PCDH15: variants seen among roughly 807,000 people sequenced by gnomAD.
PCDH15 encodes protocadherin-15.
Under a neutral mutation model 178.5 loss-of-function variants are expected in PCDH15, and 129 were observed. That is an observed-to-expected ratio of 0.72 (90% CI 0.63 to 0.84). The LOEUF (loss-of-function observed/expected upper bound fraction) is 0.84, where lower values mean the gene tolerates loss of function less well. Among genes scored for constraint, PCDH15 ranks in the 40% least tolerant of loss-of-function variants. The pLI is 0.00. For synonymous variants in PCDH15, 800 were observed against 732.0 expected, an observed-to-expected ratio of 1.09 and a Z score of -1.50; for missense variants, 2,230 against 2,099.9, an observed-to-expected ratio of 1.06 and a Z score of -1.21.
intron 3 of PCDH15, among the ~76,000 whole-genome samples, chr10:54,883,682 T>C (rs1386001204): frequency 2.0e-5 from 3 of 151,946 alleles, no homozygotes; most frequent in African/African-American, 7.2e-5. Flanking sequence ...CATTACACTA[T>C]AGAAATTCAT....
At chr10:54,622,252 A>ATG (rs529390169) in intron 2 of PCDH15, among the ~76,000 whole-genome samples, 68 of 151,038 alleles carry the variant, frequency 4.5e-4, no homozygotes, top group East Asian at 2.4e-3. Context: ...GAGGAAATTT[A>ATG]TGTGTGTGTG....
intron 13 of PCDH15, among the ~76,000 whole-genome samples, chr10:54,161,063 T>G (rs372643806): frequency 6.6e-6 from 1 of 152,158 alleles, no homozygotes; most frequent in Non-Finnish European, 1.5e-5. Context: ...TATATATATG[T>G]GTGTGTATAT....
intron 3 of PCDH15, chr10:54,897,362 T>A (rs987488175): frequency 6.6e-6 from 1 of 152,186 alleles, no homozygotes; most frequent in African/African-American, 2.4e-5. Flanking sequence ...CTACTTATGA[T>A]TCTCTTTTGA....
At chr10:54,482,395 G>T (rs527525604) in intron 3 of PCDH15, among the ~76,000 whole-genome samples, 49 of 151,902 alleles carry the variant, frequency 3.2e-4, no homozygotes, top group African/African-American at 1.1e-3. Context: ...AAGTGATAGA[G>T]ATTGATATCC....
chr10:54,904,827 C>A (rs1157635114), intron 2 of PCDH15, among the ~76,000 whole-genome samples: 2 of 151,542 alleles, frequency 1.3e-5, no homozygotes, highest in East Asian at 2.0e-4. Flanking sequence ...CCACAGCTCA[C>A]TCTCAGAAGG....
At chr10:54,779,512 G>GTGTATATATATATACACACATATATGTT (rs1555192893) in intron 1 of PCDH15, among the ~76,000 whole-genome samples, 2 of 138,914 alleles carry the variant, frequency 1.4e-5, no homozygotes, top group African/African-American at 2.7e-5. Context: ...ACATATATGT[G>GTGTATATATATATACACACATATATGTT]TGTATATATA....
At chr10:55,546,713 C>G (rs763836057) in intron 2 of PCDH15, among the ~76,000 whole-genome samples, 3 of 152,108 alleles carry the variant, frequency 2.0e-5, no homozygotes, top group Non-Finnish European at 4.4e-5. Context: ...TATCTGCTTA[C>G]TTGTTCAATT....
chr10:53,895,826 C>T (rs1462573309), intron 26 of PCDH15, among the ~76,000 whole-genome samples: 1 of 152,124 alleles, frequency 6.6e-6, no homozygotes, highest in African/African-American at 2.4e-5. Context: ...TTACTTGTCT[C>T]CTAATTTTTC....
intron 2 of PCDH15, among the ~76,000 whole-genome samples, chr10:55,604,274 A>G (rs1373888309): frequency 1.0e-5 from 1 of 100,232 alleles, no homozygotes; most frequent in Non-Finnish European, 2.0e-5. Context: ...AAAGAGACTT[A>G]GACTCCCACA....
chr10:53,877,427 G>A (rs1163123772), intron 26 of PCDH15, among the ~76,000 whole-genome samples: 1 of 152,006 alleles, frequency 6.6e-6, no homozygotes, highest in Non-Finnish European at 1.5e-5. Flanking sequence ...GTTTGGTTTT[G>A]AATCACAAAA....
At chr10:55,531,843 T>A (rs1247863900) in intron 2 of PCDH15, among the ~76,000 whole-genome samples, 1 of 152,068 alleles carries the variant, frequency 6.6e-6, no homozygotes, top group Non-Finnish European at 1.5e-5. Flanking sequence ...AGTGATAGCA[T>A]GTCATAAAGT....
chr10:54,246,024 T>C (rs1272071173), intron 8 of PCDH15, among the ~76,000 whole-genome samples: 2 of 151,930 alleles, frequency 1.3e-5, no homozygotes, highest in African/African-American at 4.8e-5. Flanking sequence ...TTTCACAAGG[T>C]CTGACAATAT....
intron 2 of PCDH15, among the ~76,000 whole-genome samples, chr10:54,958,765 T>A (rs993271546): frequency 6.7e-6 from 1 of 150,144 alleles, no homozygotes; most frequent in Non-Finnish European, 1.5e-5. Flanking sequence ...AAAAGGATAG[T>A]CAAAAAAAAA....
intron 1 of PCDH15, among the ~76,000 whole-genome samples, chr10:54,789,232 T>C (rs1021324224): frequency 4.6e-5 from 7 of 151,932 alleles, no homozygotes; most frequent in Non-Finnish European, 2.9e-5. Flanking sequence ...AGACATACTA[T>C]GTGTGAATGT....
At position 55,514,757 on chromosome 10, in the gene PCDH15, C is replaced by A. The variant is rs150897964; in HGVS notation, c.-156+112868G>T. Among the ~76,000 whole-genome samples, 166 of 152,010 alleles carry A rather than the reference C, an allele frequency of 1.1e-3. 1 individual carries two copies. Among genetic ancestry groups the A allele is most frequent in the African/African-American group, 3.9e-3 (161 of 41,470 alleles). Reference sequence around the variant, plus strand: ...GAAGGTCAAATAATTTCTTTATGACCAGTTTTTACACAGAAAGGCAGAGGG... The same window carrying A: ...GAAGGTCAAATAATTTCTTTATGACAAGTTTTTACACAGAAAGGCAGAGGG... On this transcript the variant is annotated intron_variant, in intron 2 of 5. Transcript: ENST00000613346.
chr10:54,826,297 T>C (rs1953131395), intron 3 of PCDH15, among the ~76,000 whole-genome samples: 1 of 152,008 alleles, frequency 6.6e-6, no homozygotes, highest in South Asian at 2.1e-4. Context: ...CTATATTGCT[T>C]TGTGGAAATT....
intron 2 of PCDH15, among the ~76,000 whole-genome samples, chr10:55,444,413 T>G (rs1311602749): frequency 2.0e-5 from 3 of 152,118 alleles, no homozygotes; most frequent in Admixed American, 2.0e-4. Context: ...GCTCATCTCC[T>G]AAAAATTACT....
chr10:55,508,475 A>G (rs780494453), intron 2 of PCDH15, among the ~76,000 whole-genome samples: 3 of 151,838 alleles, frequency 2.0e-5, no homozygotes, highest in Non-Finnish European at 2.9e-5. Context: ...ATATTTCTAA[A>G]TGAAGTTAGA....
chr10:55,140,518 C>A (rs1469014785), intron 2 of PCDH15, among the ~76,000 whole-genome samples: 1 of 151,952 alleles, frequency 6.6e-6, no homozygotes, highest in African/African-American at 2.4e-5. Flanking sequence ...GATTAATTTG[C>A]ACGTATTGAA....
Sources: allele counts gnomAD v4.1 joint callset (sites outside exome capture counted in the v4.1 genomes callset), GRCh38; gene constraint gnomAD v4.1.1; transcripts MANE v1.5; gene names NCBI Gene and HGNC (gene_info 2026-07-23, HGNC 2026-07-21).